Variants in SGCZ observed in about 807,000 individuals in gnomAD.
SGCZ encodes the protein sarcoglycan zeta.
In SGCZ, 40 loss-of-function variants were observed where a neutral mutation model predicts 41.3. The ratio of observed to expected loss-of-function variants is 0.97; its 90% confidence interval spans 0.75 to 1.26. The LOEUF is 1.26. SGCZ is among the 50% of genes most tolerant of loss of function. The pLI, the probability that SGCZ is intolerant of heterozygous loss-of-function variation, is 0.00. For synonymous variants in SGCZ, 206 were observed against 137.5 expected (o/e 1.50, Z -3.49); for missense variants, 552 against 369.8 (o/e 1.49, Z -4.04).
At chr8:14,172,260 A>C (rs1165088637) in intron 4 of SGCZ, among the ~76,000 whole-genome samples, 1 of 152,168 alleles carries the variant, frequency 6.6e-6, no homozygotes, top group East Asian at 1.9e-4. Context: ...GTAATCACCT[A>C]CAAATTCAAA....
At chr8:14,853,901 C>G (rs1295087620) in intron 1 of SGCZ, among the ~76,000 whole-genome samples, 1 of 151,712 alleles carries the variant, frequency 6.6e-6, no homozygotes, top group African/African-American at 2.4e-5. Context: ...GCCTTCCTTC[C>G]TCCTTGCCAA....
intron 2 of SGCZ, among the ~76,000 whole-genome samples, chr8:14,460,027 T>A (rs900630172): frequency 6.6e-6 from 1 of 152,108 alleles, no homozygotes; most frequent in Non-Finnish European, 1.5e-5. Flanking sequence ...CCTTAGTGGG[T>A]TAAGTGAAAT....
intron 2 of SGCZ, among the ~76,000 whole-genome samples, chr8:14,477,704 T>C (rs1411031194): frequency 1.3e-5 from 2 of 152,218 alleles, no homozygotes; most frequent in Admixed American, 6.5e-5. Flanking sequence ...TGTTCTGCTT[T>C]TCCTAAGAAT....
rs1408019636 is a variant in SGCZ, at chr8:14,084,914, C to G, written c.*5529G>C. On this transcript the variant is annotated 3_prime_UTR_variant, in exon 8 of 8. Transcript: ENST00000382080. ...TTACATAGTAGCACCAAAATTAGGA[C>G]AAATTACAAGAATCACAGGAGAGAT... Among the ~76,000 whole-genome samples the G allele has an allele frequency of 1.3e-5, 2 of 151,744 alleles. No individual in the cohort carries two copies. The highest frequency in any genetic ancestry group is 4.8e-5 in the African/African-American group (2 of 41,386).
At chr8:14,373,979 A>G (rs1804010406) in intron 2 of SGCZ, among the ~76,000 whole-genome samples, 1 of 151,824 alleles carries the variant, frequency 6.6e-6, no homozygotes, top group Admixed American at 6.6e-5. Flanking sequence ...CCGGAACTTA[A>G]AATAAAAATA....
chr8:14,285,781 G>C (rs1800599755), intron 3 of SGCZ, among the ~76,000 whole-genome samples: 1 of 152,072 alleles, frequency 6.6e-6, no homozygotes, highest in South Asian at 2.1e-4. Flanking sequence ...GAAACAAATA[G>C]CTCACAGGTT....
chr8:14,155,273 G>C (rs7817792), intron 5 of SGCZ, among the ~76,000 whole-genome samples: 12 of 151,952 alleles, frequency 7.9e-5, no homozygotes, highest in Non-Finnish European at 1.6e-4. Context: ...CTCAAGTTAT[G>C]CGTTTTTGTC....
chr8:14,561,270 C>G (rs572137484), intron 1 of SGCZ, among the ~76,000 whole-genome samples: 2 of 152,196 alleles, frequency 1.3e-5, no homozygotes, highest in South Asian at 4.1e-4. Flanking sequence ...CATTATGAAA[C>G]TTCTATAAAT....
chr8:14,605,192 CAA>C (rs1462898686), intron 1 of SGCZ, among the ~76,000 whole-genome samples: 7 of 147,424 alleles, frequency 4.7e-5, no homozygotes, highest in African/African-American at 1.8e-4. Context: ...AAGTAACAAG[CAA>C]ACAGTGACTC....
intron 2 of SGCZ, among the ~76,000 whole-genome samples, chr8:14,469,909 T>C (rs1801166287): frequency 6.6e-6 from 1 of 152,156 alleles, no homozygotes. Context: ...TCTAATTCTT[T>C]TGTAATATCC....
chr8:14,108,129 AT>A (rs568224893), intron 6 of SGCZ, 33 bp downstream of exon 6: 2 of 1,596,782 alleles, frequency 1.3e-6, no homozygotes, highest in Admixed American at 1.7e-5. Flanking sequence ...ACAATGATGG[AT>A]TTTATGCCAC....
intron 2 of SGCZ, among the ~76,000 whole-genome samples, chr8:14,486,511 A>G (rs1323211423): frequency 6.6e-6 from 1 of 152,238 alleles, no homozygotes; most frequent in East Asian, 1.9e-4. Context: ...TGTAAACACT[A>G]TGCTACAAGC....
At chr8:15,008,538 A>AGAAAGGAAGGAAGGAG (rs1802690089) in intron 1 of SGCZ, among the ~76,000 whole-genome samples, 1 of 54,838 alleles carries the variant, frequency 1.8e-5, no homozygotes, top group South Asian at 1.3e-3. Context: ...GAAGGAAGGA[A>AGAAAGGAAGGAAGGAG]GGAAGGGAGG....
chr8:14,336,183 T>C (rs1031047549), intron 2 of SGCZ, among the ~76,000 whole-genome samples: 2 of 152,170 alleles, frequency 1.3e-5, no homozygotes, highest in African/African-American at 4.8e-5. Flanking sequence ...TTTCTGCTTC[T>C]GTGTTAATTT....
intron 1 of SGCZ, among the ~76,000 whole-genome samples, chr8:14,757,993 C>T (rs2165593): frequency 0.56 from 84,800 of 151,936 alleles, 23,896 homozygotes; most frequent in East Asian, 0.71. Flanking sequence ...TATGTATATA[C>T]CCATGTATAT....
At chr8:14,992,785 A>C in intron 1 of SGCZ, among the ~76,000 whole-genome samples, 2 of 124,374 alleles carry the variant, frequency 1.6e-5, no homozygotes, top group East Asian at 2.3e-4. Flanking sequence ...CATTCAATCT[A>C]CTCCCAAAAC....
chr8:14,483,781 T>C (rs1801598467), intron 2 of SGCZ, among the ~76,000 whole-genome samples: 1 of 152,168 alleles, frequency 6.6e-6, no homozygotes, highest in Non-Finnish European at 1.5e-5. Flanking sequence ...TAAAATACTA[T>C]GTATATATGA....
rs189805909 is a variant in SGCZ at position 14,283,068 on chromosome 8, C to T, written c.336+41035G>A. On this transcript the variant is annotated intron_variant, in intron 3 of 7. Transcript: ENST00000382080. The stretch of plus-strand genomic sequence containing the variant: ...GTTTCACCGTGTTAGCCAGGATGCT[C>T]TCGATCTCCTGACCTCGTGATCCGC... Among the ~76,000 whole-genome samples the T allele has an allele frequency of 4.6e-3, 692 of 151,888 alleles. 5 individuals are homozygous for T. The highest frequency in any genetic ancestry group is 0.016 in the African/African-American group (643 of 41,382).
At chr8:15,190,813 TAA>T (rs1293337982) in intron 1 of SGCZ, among the ~76,000 whole-genome samples, 1 of 152,066 alleles carries the variant, frequency 6.6e-6, no homozygotes, top group Non-Finnish European at 1.5e-5. Context: ...TATAACACGA[TAA>T]ATAGTGTTTC....
Sources: allele counts gnomAD v4.1 joint callset (sites outside exome capture counted in the v4.1 genomes callset), GRCh38; gene constraint gnomAD v4.1.1; transcripts MANE v1.5; gene names NCBI Gene and HGNC (gene_info 2026-07-23, HGNC 2026-07-21).